The following ENTHD1 variants were observed in gnomAD, a reference collection of about 807,000 sequenced individuals.
ENTHD1 encodes the protein ENTH domain-containing protein 1.
Under a neutral mutation model 39.1 loss-of-function variants are expected in ENTHD1, and 23 were observed. The ratio of observed to expected loss-of-function variants is 0.59; its 90% confidence interval spans 0.42 to 0.83. ENTHD1 has a LOEUF of 0.83. ENTHD1 is among the 40% of genes least tolerant of loss of function. The pLI is 0.00. For missense variants in ENTHD1, 624 were observed against 705.4 expected, an observed-to-expected ratio of 0.88 and a Z score of 1.31; for synonymous variants, 230 against 258.2, an observed-to-expected ratio of 0.89 and a Z score of 1.05.
intron 3 of ENTHD1, among the ~76,000 whole-genome samples, chr22:39,860,481 G>A (rs9623081): frequency 0.29 from 44,088 of 152,062 alleles, 8,008 homozygotes; most frequent in East Asian, 0.56. Context: ...TTTAGAAGCC[G>A]GTAGGTAGTA....
At chr22:39,849,848 TTTGA>T (rs2066021075) in intron 3 of ENTHD1, among the ~76,000 whole-genome samples, 1 of 152,208 alleles carries the variant, frequency 6.6e-6, no homozygotes, top group African/African-American at 2.4e-5. Flanking sequence ...TTTCTTCCAT[TTTGA>T]TACTGACATT....
intron 5 of ENTHD1, among the ~76,000 whole-genome samples, chr22:39,804,452 CAAAAAAAAAAAAA>C: frequency 1.3e-5 from 1 of 78,046 alleles, no homozygotes; most frequent in East Asian, 3.7e-4. Flanking sequence ...GACTCTGTCT[CAAAAAAAAAAAAA>C]AAAAAAAAAT....
chr22:39,784,543 T>TACACACACACAC lies in ENTHD1; in HGVS notation c.833-18946_833-18935dup, dbSNP rs3044403. Reference sequence around the variant, plus strand: ...AAAATGCGCTCTCTCTCTCTCTGTATACACACACACACACACACACACACA... The same window carrying TACACACACACAC: ...AAAATGCGCTCTCTCTCTCTCTGTATACACACACACACACACACACACACACACACACACACA... On this transcript the variant is annotated intron_variant, in intron 5 of 6. Coordinates refer to ENST00000325157, the MANE Select transcript of ENTHD1 (RefSeq NM_152512.4). Among the ~76,000 whole-genome samples the TACACACACACAC allele has an allele frequency of 8.2e-3, 1,166 of 142,352 alleles. 7 individuals carry two copies. Among genetic ancestry groups the TACACACACACAC allele is most frequent in the South Asian group, 0.023 (97 of 4,262 alleles). The allele number at this position is 142,352 out of a possible 152,430, so 93.4% of individuals were successfully genotyped here.
At chr22:39,767,523 TACTA>T (rs1489970151) in intron 5 of ENTHD1, among the ~76,000 whole-genome samples, 1 of 152,176 alleles carries the variant, frequency 6.6e-6, no homozygotes, top group Non-Finnish European at 1.5e-5. Context: ...AGTACTAGAT[TACTA>T]GATTTATGGT....
chr22:39,840,546 G>A (rs1443857471), intron 3 of ENTHD1, among the ~76,000 whole-genome samples: 1 of 152,144 alleles, frequency 6.6e-6, no homozygotes, highest in African/African-American at 2.4e-5. Context: ...CCTTTTAGGT[G>A]TAATGTAAGT....
Position 39,886,070 on chromosome 22 carries a change from A to T in ENTHD1, c.349+1330T>A, listed in dbSNP as rs61133465. Reference sequence around the variant, plus strand: ...ATATCTCAATAAAGTTTTTTTTTTTAAAAAAAGGGAAGAAAAAAATAAACT... The same window carrying T: ...ATATCTCAATAAAGTTTTTTTTTTTTAAAAAAGGGAAGAAAAAAATAAACT... On this transcript the variant is annotated intron_variant, in intron 2 of 6. Transcript: ENST00000325157. Among the ~76,000 whole-genome samples the T allele has an allele frequency of 8.1e-3, 1,218 of 150,482 alleles. 18 individuals are homozygous for T. The highest frequency in any genetic ancestry group is 0.028 in the African/African-American group (1,132 of 40,370).
chr22:39,828,173 A>G (rs2065840629), intron 4 of ENTHD1, among the ~76,000 whole-genome samples: 1 of 152,166 alleles, frequency 6.6e-6, no homozygotes, highest in Non-Finnish European at 1.5e-5. Context: ...TTTCCCCCCA[A>G]AATCACTGGA....
chr22:39,753,552 T>A (rs2065162800), intron 6 of ENTHD1, among the ~76,000 whole-genome samples: 3 of 152,308 alleles, frequency 2.0e-5, no homozygotes, highest in South Asian at 4.1e-4. Context: ...AAGAATTTTT[T>A]AATTTTCCTA....
intron 5 of ENTHD1, among the ~76,000 whole-genome samples, chr22:39,804,610 A>C (rs969378976): frequency 6.6e-6 from 1 of 152,182 alleles, no homozygotes; most frequent in African/African-American, 2.4e-5. Flanking sequence ...AAATTAATTC[A>C]AAGTCTACTA....
chr22:39,781,994 G>C (rs997121944), intron 5 of ENTHD1, among the ~76,000 whole-genome samples: 2 of 151,994 alleles, frequency 1.3e-5, no homozygotes, highest in African/African-American at 4.8e-5. Flanking sequence ...CCAATAATAA[G>C]TAACAAGATT....
Position 39,821,127 on chromosome 22 carries a change from CA to C in ENTHD1, c.712-15del, listed in dbSNP as rs762921359. On this transcript the variant is annotated splice_polypyrimidine_tract_variant and intron_variant, in intron 4 of 6. Coordinates refer to ENST00000325157, the MANE Select transcript of ENTHD1 (RefSeq NM_152512.4). ...TGTCATCAGGTCCTGACAGAAAACA[CA>C]AGAACATGAGAATTGAAGAAAAAAA... 7 of 1,613,066 alleles carry C rather than the reference CA, an allele frequency of 4.3e-6. No individual in the cohort carries two copies. In the African/African-American group the frequency reaches 9.4e-5, roughly 22 times the overall value.
At chr22:39,881,791 A>G (rs1291295853) in intron 2 of ENTHD1, among the ~76,000 whole-genome samples, 1 of 152,226 alleles carries the variant, frequency 6.6e-6, no homozygotes, top group Non-Finnish European at 1.5e-5. Context: ...GGGTAGACCT[A>G]GAAGGCCTCT....
chr22:39,743,942 C>T lies in ENTHD1; in HGVS notation c.1561G>A (p.Val521Ile). ...CAGGACAGAGGGATGAACTGGTCTA[C>T]ATTTTGGGTGGAAAACTCCCCCCAG... is the stretch of plus-strand genomic sequence containing the variant. The part of the protein sequence containing the change: ...SHWGEFSTQN[V>I]DQFIPLSCSG... Residue 521 changes from valine (V) to isoleucine (I), a missense_variant, in exon 7 of 7, where the codon GTA (valine) becomes ATA (isoleucine). Val to Ile is a conservative substitution (Grantham distance 29). Transcript: ENST00000325157. 1 of 1,614,104 alleles carries T rather than the reference C, an allele frequency of 6.2e-7. No homozygotes were observed. Among genetic ancestry groups the T allele is most frequent in the Non-Finnish European group, 8.5e-7 (1 of 1,180,000 alleles).
intron 5 of ENTHD1, among the ~76,000 whole-genome samples, chr22:39,807,913 GTATA>G (rs1555929241): frequency 2.5e-4 from 38 of 150,438 alleles, no homozygotes; most frequent in African/African-American, 9.3e-4. Flanking sequence ...GTGTGTGTGT[GTATA>G]TATATACTGG....
chr22:39,848,033 T>TG (rs1334204220), intron 3 of ENTHD1, among the ~76,000 whole-genome samples: 1 of 152,224 alleles, frequency 6.6e-6, no homozygotes, highest in Non-Finnish European at 1.5e-5. Flanking sequence ...ATCCAGCTGT[T>TG]GGCAGAATTC....
intron 3 of ENTHD1, among the ~76,000 whole-genome samples, chr22:39,855,857 T>C (rs2066080858): frequency 6.6e-6 from 1 of 152,086 alleles, no homozygotes; most frequent in Admixed American, 6.6e-5. Context: ...AGAAATAAAT[T>C]TGTATGTTTA....
At chr22:39,753,161 A>T (rs2146537162) in intron 6 of ENTHD1, among the ~76,000 whole-genome samples, 1 of 152,284 alleles carries the variant, frequency 6.6e-6, no homozygotes, top group East Asian at 1.9e-4. Context: ...AGAATACTGA[A>T]TTTTTTCCTC....
At chr22:39,879,873 C>G (rs552328621) in intron 2 of ENTHD1, among the ~76,000 whole-genome samples, 1 of 152,298 alleles carries the variant, frequency 6.6e-6, no homozygotes, top group Admixed American at 6.5e-5. Flanking sequence ...AGGTAACGTT[C>G]AGTAGGTGAA....
intron 5 of ENTHD1, among the ~76,000 whole-genome samples, chr22:39,815,005 C>G (rs2065722329): frequency 6.6e-6 from 1 of 152,102 alleles, no homozygotes; most frequent in South Asian, 2.1e-4. Context: ...TACTTAGGCT[C>G]CAGAATAAAG....
Sources: gnomAD v4.1 joint callset for allele counts (sites outside exome capture counted in the v4.1 genomes callset) on GRCh38, gnomAD v4.1.1 for gene constraint, MANE v1.5 for transcripts, NCBI Gene and HGNC (gene_info 2026-07-23, HGNC 2026-07-21) for gene names.